CDH13: variants seen among roughly 807,000 people sequenced by gnomAD.
The protein encoded by CDH13 is cadherin 13.
A neutral mutation model predicts 63.8 loss-of-function variants in CDH13; 24 were observed. The observed-to-expected ratio is 0.38, with a 90% confidence interval of 0.27 to 0.53. The LOEUF is 0.53. Ranked by LOEUF, CDH13 falls within the 20% of genes least tolerant of loss-of-function variation. The probability of loss-of-function intolerance (pLI) is 0.85; values close to 1 mark genes in which losing one functional copy is unlikely to be tolerated. For synonymous variants in CDH13, 503 were observed against 355.3 expected (o/e 1.42, Z -4.67); for missense variants, 1,049 against 903.1 (o/e 1.16, Z -2.07).
At chr16:83,680,132 A>G (rs891997593) in intron 10 of CDH13, among the ~76,000 whole-genome samples, 9 of 152,230 alleles carry the variant, frequency 5.9e-5, no homozygotes, top group Non-Finnish European at 7.3e-5. Context: ...CACAGGAGCT[A>G]GGGCATCCTT....
chr16:83,070,986 G>A (rs757498684), intron 3 of CDH13, among the ~76,000 whole-genome samples: 41 of 151,834 alleles, frequency 2.7e-4, no homozygotes, highest in South Asian at 6.3e-4. Flanking sequence ...TGATAGCACC[G>A]TCTTAACATG....
At chr16:83,184,908 CGTGTGT>C (rs71854021) in intron 4 of CDH13, among the ~76,000 whole-genome samples, 2 of 133,932 alleles carry the variant, frequency 1.5e-5, no homozygotes, top group Non-Finnish European at 3.2e-5. Flanking sequence ...TGTGTGTGTG[CGTGTGT>C]GTGTGTAGTA....
At chr16:83,731,211 C>G (rs1382263309) in intron 10 of CDH13, among the ~76,000 whole-genome samples, 1 of 152,208 alleles carries the variant, frequency 6.6e-6, no homozygotes. Flanking sequence ...AATGGTAGTT[C>G]TGTTCTAAGT....
At chr16:82,938,072 A>G (rs1004095586) in intron 2 of CDH13, among the ~76,000 whole-genome samples, 14 of 152,250 alleles carry the variant, frequency 9.2e-5, no homozygotes, top group Admixed American at 2.0e-4. Flanking sequence ...CAACAGCGGT[A>G]GCAACAACAC....
At chr16:83,123,255 A>AAT (rs141492339) in intron 3 of CDH13, among the ~76,000 whole-genome samples, 2,729 of 149,306 alleles carry the variant, frequency 0.018, 35 homozygotes, top group African/African-American at 0.042. Flanking sequence ...TATAGATACA[A>AAT]ATATATATAT....
chr16:83,537,501 G>A (rs1459417794), intron 7 of CDH13, among the ~76,000 whole-genome samples: 1 of 152,128 alleles, frequency 6.6e-6, no homozygotes, highest in African/African-American at 2.4e-5. Context: ...CTTGGGGATT[G>A]GAATATGAGG....
chr16:83,683,346 T>A (rs1165800718), intron 10 of CDH13, among the ~76,000 whole-genome samples: 1 of 152,220 alleles, frequency 6.6e-6, no homozygotes, highest in Admixed American at 6.5e-5. Flanking sequence ...AAAAGACAGG[T>A]AAGAATAAGG....
At chr16:82,675,703 G>A (rs1913820661) in intron 1 of CDH13, among the ~76,000 whole-genome samples, 1 of 152,120 alleles carries the variant, frequency 6.6e-6, no homozygotes, top group South Asian at 2.1e-4. Context: ...AACCTTCTGG[G>A]TTCCCTTCCT....
chr16:83,222,830 C>T (rs1354724378), intron 5 of CDH13, among the ~76,000 whole-genome samples: 1 of 152,146 alleles, frequency 6.6e-6, no homozygotes, highest in African/African-American at 2.4e-5. Context: ...GGTGGTGCTA[C>T]AGGAAATACC....
intron 5 of CDH13, among the ~76,000 whole-genome samples, chr16:83,256,519 A>G (rs1017666374): frequency 6.6e-6 from 1 of 151,854 alleles, no homozygotes; most frequent in Non-Finnish European, 1.5e-5. Flanking sequence ...AATGAAAAGG[A>G]TATGTTCCCT....
chr16:82,662,534 G>C (rs373252698), intron 1 of CDH13, among the ~76,000 whole-genome samples: 1 of 152,330 alleles, frequency 6.6e-6, no homozygotes, highest in Admixed American at 6.5e-5. Flanking sequence ...CAGATGGCTT[G>C]TTGGGAGAAG....
At chr16:83,479,914 C>T (rs28532716) in intron 6 of CDH13, among the ~76,000 whole-genome samples, 14 of 151,860 alleles carry the variant, frequency 9.2e-5, no homozygotes, top group African/African-American at 3.4e-4. Flanking sequence ...GGTGTCAAGT[C>T]GAATAAATGT....
chr16:83,632,177 G>C (rs1442925884), intron 8 of CDH13, among the ~76,000 whole-genome samples: 1 of 151,702 alleles, frequency 6.6e-6, no homozygotes, highest in African/African-American at 2.4e-5. Context: ...CACACTGTCA[G>C]TTTGACTAGA....
intron 2 of CDH13, among the ~76,000 whole-genome samples, chr16:82,900,411 G>C (rs752489952): frequency 4.9e-4 from 59 of 121,028 alleles, no homozygotes; most frequent in Non-Finnish European, 6.1e-4. Flanking sequence ...GCCAAGTGTG[G>C]CCTGGTTCAA....
intron 4 of CDH13, among the ~76,000 whole-genome samples, chr16:83,207,681 G>T (rs890457657): frequency 1.2e-4 from 18 of 149,372 alleles, no homozygotes; most frequent in African/African-American, 4.4e-4. Flanking sequence ...AGGTAGAACT[G>T]TTATTAGCCA....
At chr16:83,041,785 G>A (rs1029661685) in intron 3 of CDH13, among the ~76,000 whole-genome samples, 2 of 152,192 alleles carry the variant, frequency 1.3e-5, no homozygotes, top group Non-Finnish European at 2.9e-5. Context: ...CTGAGGTTCA[G>A]TTTTCTCATC....
chr16:83,317,512 T>C (rs1448426619), intron 5 of CDH13, among the ~76,000 whole-genome samples: 1 of 152,168 alleles, frequency 6.6e-6, no homozygotes, highest in Non-Finnish European at 1.5e-5. Context: ...TCAAGCTACA[T>C]GGCAGTGAGC....
chr16:83,066,464 T>A (rs557749586), intron 3 of CDH13, among the ~76,000 whole-genome samples: 5 of 152,282 alleles, frequency 3.3e-5, no homozygotes, highest in African/African-American at 1.2e-4. Context: ...ACCGAGGACC[T>A]CCTGAAGTCA....
chr16:82,691,451 C>A (rs1341983398), intron 1 of CDH13, among the ~76,000 whole-genome samples: 1 of 152,092 alleles, frequency 6.6e-6, no homozygotes, highest in African/African-American at 2.4e-5. Flanking sequence ...GCCTCCCTGC[C>A]CTTTGGTGGG....
Sources: allele counts gnomAD v4.1 joint callset (sites outside exome capture counted in the v4.1 genomes callset), GRCh38; gene constraint gnomAD v4.1.1; transcripts MANE v1.5; gene names NCBI Gene and HGNC (gene_info 2026-07-23, HGNC 2026-07-21).